Variants in NDUFA10 observed in about 807,000 individuals in gnomAD.
NDUFA10 encodes the protein NADH dehydrogenase [ubiquinone] 1 alpha subcomplex subunit 10, mitochondrial.
A neutral mutation model predicts 47.8 loss-of-function variants in NDUFA10; 40 were observed. That is an observed-to-expected ratio of 0.84 (90% confidence interval 0.65 to 1.09). The LOEUF is 1.09. Ranked by LOEUF, NDUFA10 falls within the 50% of genes least tolerant of loss-of-function variation. The probability of loss-of-function intolerance (pLI) is 0.00; values close to 1 mark genes in which losing one functional copy is unlikely to be tolerated. For synonymous variants in NDUFA10, 183 were observed against 172.2 expected (o/e 1.06, Z -0.49); for missense variants, 413 against 451.1 (o/e 0.92, Z 0.76).
At position 239,918,401 on chromosome 2, in the gene NDUFA10, G is replaced by C. The variant is rs182663473; in HGVS notation, c.295-23087C>G. Among the ~76,000 whole-genome samples the C allele has an allele frequency of 5.9e-5, 9 of 152,116 alleles. No homozygotes were observed. In the East Asian group the frequency reaches 1.4e-3, roughly 23 times the overall value. On this transcript the variant is annotated intron_variant, in intron 4 of 5. Transcript: ENST00000419408. ...AGCCTTGAACCCGAGGCCTCCTCAG[G>C]TGCCCCCGCACGCCAGGCCTGACAC...
At chr2:240,011,732 T>A in intron 5 of NDUFA10, 36 bp from the exon 6 acceptor site, 1 of 1,521,882 alleles carries the variant, frequency 6.6e-7, no homozygotes. Context: ...TGGGAAACAT[T>A]TAGAGTTCAT....
chr2:239,957,638 G>A lies in NDUFA10; in HGVS notation c.*3480C>T, dbSNP rs1287180597. 2 of 152,174 alleles carry A rather than the reference G, an allele frequency of 1.3e-5. No individual in the cohort carries two copies. The highest frequency in any genetic ancestry group is 3.8e-4 in the East Asian group (2 of 5,196). 9.4% of individuals were successfully genotyped at this position (152,174 alleles called of 1,614,324 possible). Reference sequence around the variant, plus strand: ...GACAGTTTCATTTGTCTTCCTATTAGAACCCTTAAATCAGCCTCCTTCAAG... The same window carrying A: ...GACAGTTTCATTTGTCTTCCTATTAAAACCCTTAAATCAGCCTCCTTCAAG... On this transcript the variant is annotated 3_prime_UTR_variant, in exon 10 of 10. Transcript: ENST00000252711.
chr2:240,019,378 G>C (rs1431670663), intron 3 of NDUFA10, among the ~76,000 whole-genome samples: 1 of 152,210 alleles, frequency 6.6e-6, no homozygotes, highest in Non-Finnish European at 1.5e-5. Flanking sequence ...AGAATACTGA[G>C]ATGGGAGCAA....
intron 4 of NDUFA10, among the ~76,000 whole-genome samples, chr2:239,926,088 TGA>T (rs1694060580): frequency 6.6e-6 from 1 of 151,718 alleles, no homozygotes; most frequent in Admixed American, 6.5e-5. Context: ...TTGGAGTCTC[TGA>T]TAAAAAATTA....
chr2:239,999,099 G>T (rs1696599700), intron 8 of NDUFA10, among the ~76,000 whole-genome samples: 1 of 152,128 alleles, frequency 6.6e-6, no homozygotes, highest in South Asian at 2.1e-4. Flanking sequence ...ACTCACCACA[G>T]AAGCGGGGAC....
At chr2:239,944,436 G>A (rs1208509475) in intron 4 of NDUFA10, among the ~76,000 whole-genome samples, 1 of 152,202 alleles carries the variant, frequency 6.6e-6, no homozygotes, top group Non-Finnish European at 1.5e-5. Flanking sequence ...CAGGCTGGGT[G>A]CCTGGCTGGC....
Position 239,960,316 on chromosome 2 carries a change from A to G in NDUFA10, c.*802T>C. On this transcript the variant is annotated 3_prime_UTR_variant, in exon 10 of 10. Transcript: ENST00000252711. ...TAGGCTTCAACAGAGATGAATAAAG[A>G]AATCTGATTTTCTTTCTCATTTCTC... 1 of 985,704 alleles carries G rather than the reference A, an allele frequency of 1.0e-6. No homozygotes were observed. Among genetic ancestry groups the G allele is most frequent in the South Asian group, 4.7e-5 (1 of 21,296 alleles). The allele number at this position is 985,704 out of a possible 1,614,324, so 61.1% of individuals were successfully genotyped here.
chr2:239,909,301 A>G (rs554930541), intron 4 of NDUFA10, among the ~76,000 whole-genome samples: 1 of 152,152 alleles, frequency 6.6e-6, no homozygotes, highest in Non-Finnish European at 1.5e-5. Flanking sequence ...CTTAAATGTA[A>G]AACCAAAAAC....
intron 4 of NDUFA10, among the ~76,000 whole-genome samples, chr2:239,915,338 G>GAT (rs1693842512): frequency 1.1e-5 from 1 of 87,620 alleles, no homozygotes. Flanking sequence ...AGAGAACGAA[G>GAT]ACATACTCAG....
intron 9 of NDUFA10, among the ~76,000 whole-genome samples, chr2:239,989,228 A>T (rs1022488204): frequency 6.6e-6 from 1 of 152,254 alleles, no homozygotes; most frequent in Non-Finnish European, 1.5e-5. Context: ...CAAAAAATTT[A>T]CTTAAAAGAA....
chr2:239,897,792 C>T (rs1362681803), intron 4 of NDUFA10, among the ~76,000 whole-genome samples: 1 of 152,228 alleles, frequency 6.6e-6, no homozygotes, highest in Non-Finnish European at 1.5e-5. Context: ...GGTCACTCAG[C>T]CCCCAGAGAC....
chr2:239,915,601 C>T (rs1312591623), intron 4 of NDUFA10, among the ~76,000 whole-genome samples: 8 of 134,786 alleles, frequency 5.9e-5, no homozygotes, highest in Non-Finnish European at 1.2e-4. Flanking sequence ...GATACACATA[C>T]ACACACACAC....
At chr2:240,014,330 A>G (rs1406608003) in intron 5 of NDUFA10, 1 of 307,110 alleles carries the variant, frequency 3.3e-6, no homozygotes, top group African/African-American at 2.2e-5. Flanking sequence ...TTTGCGTTAA[A>G]TAGATTGAAG....
At position 240,021,346 on chromosome 2, in the gene NDUFA10, A is replaced by G; in HGVS notation, c.311T>C (p.Leu104Pro). ...PDSTTGDGKP[L>P]ATDYNGNCSL... ...ACAGTTGCCATTATAGTCGGTGGCG[A>G]GGGGCTTCCCATCTCCTGTGGTACT... Residue 104 changes from leucine (L) to proline (P), a missense_variant, in exon 3 of 10, where the codon CTC becomes CCC. Coordinates refer to ENST00000252711, the MANE Select transcript of NDUFA10 (RefSeq NM_004544.4). 4 of 1,614,210 alleles carry G rather than the reference A, an allele frequency of 2.5e-6. No individual in the cohort carries two copies. Among genetic ancestry groups the G allele is most frequent in the Non-Finnish European group, 3.4e-6 (4 of 1,180,026 alleles).
At chr2:239,997,451 T>C (rs1304423856) in intron 8 of NDUFA10, among the ~76,000 whole-genome samples, 1 of 152,230 alleles carries the variant, frequency 6.6e-6, no homozygotes, top group Non-Finnish European at 1.5e-5. Flanking sequence ...TCGAAAGTTT[T>C]TGTTTGCATT....
In NDUFA10 at chr2:239,899,074, ATGGAGGAGTG is replaced by A. The variant is rs1258000663; in HGVS notation, c.295-3770_295-3761del. Among the ~76,000 whole-genome samples, 7 of 15,126 alleles carry A rather than the reference ATGGAGGAGTG, an allele frequency of 4.6e-4. 1 individual carries two copies. Among genetic ancestry groups the A allele is most frequent in the African/African-American group, 7.3e-4 (3 of 4,082 alleles). The allele number at this position is 15,126 out of a possible 152,430, so 9.9% of individuals were successfully genotyped here. ...TGGAGGAGTGTGATGGAGGGGTGTG[ATGGAGGAGTG>A]TGGAGGGGTGTGGTGGAGGGGTGTG... On this transcript the variant is annotated intron_variant, in intron 4 of 5. Transcript: ENST00000419408.
Position 239,913,495 on chromosome 2 carries a change from C to A in NDUFA10, c.295-18181G>T, listed in dbSNP as rs13024046. ...CTCAGCACACATGCTGGGTGGGTGG[C>A]GTGGCCTTGCTCTGCACCTCAGACG... is the stretch of plus-strand genomic sequence containing the variant. On this transcript the variant is annotated intron_variant, in intron 4 of 5. Coordinates refer to the NDUFA10 transcript ENST00000419408. Among the ~76,000 whole-genome samples, 1,421 of 152,216 alleles carry A rather than the reference C, an allele frequency of 9.3e-3. 7 individuals carry two copies. The highest frequency in any genetic ancestry group is 0.031 in the Middle Eastern group (9 of 292).
intron 9 of NDUFA10, among the ~76,000 whole-genome samples, chr2:239,978,789 G>C (rs1407686118): frequency 6.6e-6 from 1 of 152,200 alleles, no homozygotes; most frequent in Non-Finnish European, 1.5e-5. Flanking sequence ...TTTGATGAAG[G>C]TGAGTCGCTA....
At chr2:240,013,039 A>C (rs1291230723) in intron 5 of NDUFA10, 2 of 152,266 alleles carry the variant, frequency 1.3e-5, no homozygotes, top group Admixed American at 6.5e-5. Context: ...CTGATTATAA[A>C]AGAAACTCTA....
Sources: allele counts gnomAD v4.1 joint callset (sites outside exome capture counted in the v4.1 genomes callset), GRCh38; gene constraint gnomAD v4.1.1; transcripts MANE v1.5; gene names NCBI Gene and HGNC (gene_info 2026-07-23, HGNC 2026-07-21).